The following PTPRN2 variants were observed in gnomAD, a reference collection of about 807,000 sequenced individuals.
PTPRN2 encodes the protein receptor-type tyrosine-protein phosphatase N2.
Under a neutral mutation model 118.8 loss-of-function variants are expected in PTPRN2, and 74 were observed. That is an observed-to-expected ratio of 0.62 (90% CI 0.52 to 0.76). The LOEUF is 0.76. Among genes scored for constraint, PTPRN2 ranks in the 30% least tolerant of loss-of-function variants. PTPRN2 has a pLI of 0.00. For missense variants in PTPRN2, 1,481 were observed against 1,394.4 expected (o/e 1.06, Z -0.99); for synonymous variants, 641 against 608.0 (o/e 1.05, Z -0.80).
At chr7:158,123,714 T>C (rs774121323) in intron 9 of PTPRN2, among the ~76,000 whole-genome samples, 3 of 152,238 alleles carry the variant, frequency 2.0e-5, no homozygotes, top group East Asian at 1.9e-4. Context: ...TACTGCTCAC[T>C]ATAAACACTT....
chr7:157,765,029 C>T (rs1384737740), intron 12 of PTPRN2, among the ~76,000 whole-genome samples: 2 of 151,312 alleles, frequency 1.3e-5, no homozygotes, highest in African/African-American at 4.9e-5. Flanking sequence ...TCCATCCATC[C>T]ATCATGCACT....
chr7:157,661,634 T>G (rs1795897813), intron 13 of PTPRN2, among the ~76,000 whole-genome samples: 2 of 121,694 alleles, frequency 1.6e-5, no homozygotes, highest in Non-Finnish European at 2.0e-5. Flanking sequence ...TGGAGGAGGT[T>G]GGCAGTGATA....
chr7:158,326,889 GCACACA>G (rs1803613046), intron 2 of PTPRN2, among the ~76,000 whole-genome samples: 1 of 144,586 alleles, frequency 6.9e-6, no homozygotes, highest in Non-Finnish European at 1.5e-5. Context: ...TCTCACACAT[GCACACA>G]TTCTCACACA....
At chr7:157,879,881 T>G (rs1322092202) in intron 12 of PTPRN2, among the ~76,000 whole-genome samples, 1 of 151,892 alleles carries the variant, frequency 6.6e-6, no homozygotes, top group Non-Finnish European at 1.5e-5. Context: ...GCCCCTTGAT[T>G]AGATTTTCAT....
chr7:158,408,700 C>T lies in PTPRN2; in HGVS notation c.163+81035G>A, dbSNP rs572610469. On this transcript the variant is annotated intron_variant, in intron 2 of 22. Transcript: ENST00000389418. Reference sequence around the variant, plus strand: ...TCCGTGTTTGCAGAAATACACCAAACGTGTGACCACCCTTCGTGACCGGAC... The same window carrying T: ...TCCGTGTTTGCAGAAATACACCAAATGTGTGACCACCCTTCGTGACCGGAC... Among the ~76,000 whole-genome samples, 17 of 152,306 alleles carry T rather than the reference C, an allele frequency of 1.1e-4. 1 individual carries two copies. Among genetic ancestry groups the T allele is most frequent in the African/African-American group, 3.9e-4 (16 of 41,554 alleles).
chr7:158,205,252 T>C lies in PTPRN2; in HGVS notation c.299A>G (p.Tyr100Cys). The C allele has an allele frequency of 6.2e-7, 1 of 1,613,976 alleles. No homozygotes were observed. Among genetic ancestry groups the C allele is most frequent in the East Asian group, 2.2e-5 (1 of 44,874 alleles). The change falls in exon 4 of 23, where the codon TAT (tyrosine) becomes TGT (cysteine). Residue 100 changes from tyrosine to cysteine, a missense_variant. Transcript: ENST00000389418. ...TTCCTGGTCCATCACATACTGAGTA[T>C]AGTCATCCTGCCACGTGAAACCTGT... ...SGTGFTWQDD[Y>C]TQYVMDQELA... is the part of the protein sequence containing the mutation.
chr7:157,716,175 G>A (rs72505543), intron 12 of PTPRN2, among the ~76,000 whole-genome samples: 64,380 of 143,462 alleles, frequency 0.45, 15,202 homozygotes, highest in African/African-American at 0.59. Context: ...GGCTGAAAAA[G>A]GGGGCTGTGA....
At position 158,190,116 on chromosome 7, in the gene PTPRN2, G is replaced by A. The variant is rs149929513; in HGVS notation, c.549+2211C>T. On this transcript the variant is annotated intron_variant, in intron 5 of 22. Coordinates refer to ENST00000389418, the MANE Select transcript of PTPRN2 (RefSeq NM_002847.5). ...GATTATTTTATCAACGATAGTTACG[G>A]TTACAGCTATTGCTGACTGGGCACT... Among the ~76,000 whole-genome samples the A allele has an allele frequency of 1.1e-4, 17 of 152,274 alleles. No homozygotes were observed. The East Asian group carries it at 3.1e-3, about 28-fold the overall frequency.
rs1806107310 is a variant in PTPRN2 at position 157,656,540 on chromosome 7, G to A, written c.2013C>T (p.Arg671=). 1 of 1,541,764 alleles carries A rather than the reference G, an allele frequency of 6.5e-7. No individual in the cohort carries two copies. Among genetic ancestry groups the A allele is most frequent in the Non-Finnish European group, 8.7e-7 (1 of 1,149,380 alleles). ...DATAAYQELC[R]QRMATRPPDR... Reference sequence around the variant, plus strand: ...CTGGTGGCCGCGTGGCCATACGCTGGCGGCACAGCTCCTGCAGGACAGGGG... The same window carrying A: ...CTGGTGGCCGCGTGGCCATACGCTGACGGCACAGCTCCTGCAGGACAGGGG... The change falls in exon 14 of 23, where the codon CGC becomes CGT. Residue 671 remains arginine, a synonymous_variant. Coordinates refer to ENST00000389418, the MANE Select transcript of PTPRN2 (RefSeq NM_002847.5).
intron 12 of PTPRN2, among the ~76,000 whole-genome samples, chr7:157,700,659 G>C (rs1368481689): frequency 6.6e-6 from 1 of 152,172 alleles, no homozygotes; most frequent in African/African-American, 2.4e-5. Flanking sequence ...CACTGGAACA[G>C]CTTCCTGTCC....
At chr7:157,966,512 ATCT>A (rs1318691760) in intron 11 of PTPRN2, among the ~76,000 whole-genome samples, 1 of 151,968 alleles carries the variant, frequency 6.6e-6, no homozygotes, top group Non-Finnish European at 1.5e-5. Context: ...CATCACCATC[ATCT>A]TCATCACCAC....
At chr7:158,512,000 C>G (rs1823212737) in intron 1 of PTPRN2, among the ~76,000 whole-genome samples, 1 of 152,116 alleles carries the variant, frequency 6.6e-6, no homozygotes, top group South Asian at 2.1e-4. Flanking sequence ...TCAAAGCCCA[C>G]TGAACTTCAC....
chr7:157,914,505 A>G (rs1041742599), intron 11 of PTPRN2, among the ~76,000 whole-genome samples: 1 of 152,132 alleles, frequency 6.6e-6, no homozygotes, highest in African/African-American at 2.4e-5. Flanking sequence ...CTCATGGATC[A>G]TGTGTAAGAT....
intron 2 of PTPRN2, among the ~76,000 whole-genome samples, chr7:158,426,025 G>C (rs762943266): frequency 0.13 from 709 of 5,494 alleles, 24 homozygotes; most frequent in East Asian, 0.25. Context: ...TCCGAGACCA[G>C]CCTAGCTGGG....
At chr7:158,367,306 C>A (rs985424680) in intron 2 of PTPRN2, among the ~76,000 whole-genome samples, 1 of 152,230 alleles carries the variant, frequency 6.6e-6, no homozygotes, top group Admixed American at 6.5e-5. Context: ...CCCCATGTGG[C>A]CATGAGCCCC....
At chr7:157,700,893 A>G (rs1010789540) in intron 12 of PTPRN2, among the ~76,000 whole-genome samples, 2 of 152,078 alleles carry the variant, frequency 1.3e-5, no homozygotes, top group African/African-American at 2.4e-5. Flanking sequence ...GGGGCCTTTC[A>G]TTTGTTTGAG....
chr7:158,498,452 C>T (rs1301698892), intron 1 of PTPRN2, among the ~76,000 whole-genome samples: 7 of 152,120 alleles, frequency 4.6e-5, no homozygotes, highest in African/African-American at 7.2e-5. Context: ...TTTTGGGAAC[C>T]GCGCTCTCCA....
intron 2 of PTPRN2, among the ~76,000 whole-genome samples, chr7:158,489,048 C>T (rs1474451615): frequency 1.3e-5 from 2 of 152,272 alleles, no homozygotes; most frequent in East Asian, 3.9e-4. Flanking sequence ...CGCCGTATTT[C>T]ATAATAACTG....
chr7:157,713,996 G>A, intron 12 of PTPRN2, among the ~76,000 whole-genome samples: 1 of 152,214 alleles, frequency 6.6e-6, no homozygotes, highest in East Asian at 1.9e-4. Flanking sequence ...TCAATTGAGT[G>A]ATTATGTCTT....
Sources: allele counts gnomAD v4.1 joint callset (sites outside exome capture counted in the v4.1 genomes callset), GRCh38; gene constraint gnomAD v4.1.1; transcripts MANE v1.5; gene names NCBI Gene and HGNC (gene_info 2026-07-23, HGNC 2026-07-21).